Variants in IQUB observed in about 807,000 individuals in gnomAD.
The protein encoded by IQUB is IQ motif and ubiquitin-like domain-containing protein.
IQUB carries 86 observed loss-of-function variants against 86.4 expected under a neutral mutation model. That is an observed-to-expected ratio of 1.00 (90% CI 0.84 to 1.19). The LOEUF is 1.19. IQUB is among the 50% of genes most tolerant of loss of function. The pLI is 0.00. For missense variants in IQUB, 946 were observed against 916.9 expected, an observed-to-expected ratio of 1.03 and a Z score of -0.41; for synonymous variants, 289 against 304.5, an observed-to-expected ratio of 0.95 and a Z score of 0.53.
chr7:123,457,445 C>T lies in IQUB; in HGVS notation c.2129G>A (p.Trp710Ter), dbSNP rs1273916170. The change falls in exon 12 of 13, where the codon TGG becomes TAG. Residue 710 changes from tryptophan to a stop codon, truncating the protein, a stop_gained. Transcript: ENST00000324698. LOFTEE classifies it high-confidence loss of function. ...RWNKSLEWSP[W>*]NCILLTKDEA... ...ATCTTTGGTAAGAAGAATGCAGTTC[C>T]AGGGGGACCACTCCAGGGATTTATT... is the stretch of plus-strand genomic sequence containing the variant. The T allele has an allele frequency of 4.3e-6, 7 of 1,612,380 alleles. No individual in the cohort carries two copies. The highest frequency in any genetic ancestry group is 5.9e-6 in the Non-Finnish European group (7 of 1,179,152).
intron 8 of IQUB, among the ~76,000 whole-genome samples, chr7:123,476,618 G>C (rs1327516359): frequency 1.3e-5 from 2 of 151,840 alleles, no homozygotes; most frequent in African/African-American, 4.8e-5. Context: ...CGTGAAACTG[G>C]AGGCAGCAGC....
intron 10 of IQUB, among the ~76,000 whole-genome samples, 191 bp from the exon 11 acceptor site, chr7:123,461,796 C>T (rs1794002361): frequency 6.6e-6 from 1 of 151,560 alleles, no homozygotes; most frequent in South Asian, 2.1e-4. Context: ...AAATTTCAAG[C>T]AGTATTTATT....
At chr7:123,495,219 G>A (rs930512971) in intron 7 of IQUB, among the ~76,000 whole-genome samples, 1 of 152,014 alleles carries the variant, frequency 6.6e-6, no homozygotes. Flanking sequence ...AGGCTTAACA[G>A]TTACCTCAAA....
chr7:123,463,893 G>C (rs1794122913), intron 10 of IQUB, among the ~76,000 whole-genome samples: 1 of 151,710 alleles, frequency 6.6e-6, no homozygotes, highest in Admixed American at 6.6e-5. Context: ...TCAGACAAAT[G>C]AAACACTGGT....
intron 7 of IQUB, among the ~76,000 whole-genome samples, chr7:123,492,107 A>T (rs1346944202): frequency 6.6e-6 from 1 of 152,168 alleles, no homozygotes; most frequent in African/African-American, 2.4e-5. Context: ...TGAACCAGGA[A>T]ACAAACCATC....
chr7:123,497,837 GAAGA>G (rs1294618174), intron 6 of IQUB, among the ~76,000 whole-genome samples: 3 of 151,354 alleles, frequency 2.0e-5, no homozygotes, highest in Admixed American at 6.6e-5. Flanking sequence ...AGAATTAATT[GAAGA>G]AAGAGTCTGT....
At position 123,452,879 on chromosome 7, in the gene IQUB, A is replaced by G; in HGVS notation, c.2240T>C (p.Leu747Pro). ...FIHKIKHKHI[L>P]AKNYFSQVPV... is the part of the protein sequence containing the mutation. ...AACCTGAGAAAAATAGTTCTTAGCC[A>G]GGATATGTTTGTGTTTGATCTTGTG... Residue 747 changes from leucine (L) to proline (P), a missense_variant, in exon 13 of 13, where the codon CTG (leucine) becomes CCG (proline). Physicochemically the swap from Leu to Pro is moderately conservative, Grantham distance 98. Coordinates refer to ENST00000324698, the MANE Select transcript of IQUB (RefSeq NM_178827.5). The G allele has an allele frequency of 6.2e-7, 1 of 1,613,502 alleles. No homozygotes were observed. The highest frequency in any genetic ancestry group is 8.5e-7 in the Non-Finnish European group (1 of 1,179,610).
At chr7:123,483,408 T>G (rs1232760798) in intron 7 of IQUB, among the ~76,000 whole-genome samples, 1 of 152,108 alleles carries the variant, frequency 6.6e-6, no homozygotes, top group African/African-American at 2.4e-5. Context: ...CTTTACAGTC[T>G]CATGAACTAC....
At chr7:123,500,060 T>C (rs745396060) in intron 6 of IQUB, among the ~76,000 whole-genome samples, 5 of 152,192 alleles carry the variant, frequency 3.3e-5, no homozygotes, top group Non-Finnish European at 5.9e-5. Context: ...TTACCCTATA[T>C]GGTCTAAAAA....
At chr7:123,484,300 A>G (rs1795125812) in intron 7 of IQUB, among the ~76,000 whole-genome samples, 1 of 152,096 alleles carries the variant, frequency 6.6e-6, no homozygotes, top group African/African-American at 2.4e-5. Flanking sequence ...TGAGTTTGTT[A>G]TTTAAGAGCT....
chr7:123,507,487 C>G (rs1796234146), intron 3 of IQUB, among the ~76,000 whole-genome samples: 1 of 152,140 alleles, frequency 6.6e-6, no homozygotes. Context: ...AACCCAATCA[C>G]AAATTGAGGA....
Position 123,503,097 on chromosome 7 carries a change from C to T in IQUB, c.714G>A (p.Gln238=), listed in dbSNP as rs1485209878. Reference sequence around the variant, plus strand: ...CAGATTTGACAATCTCAACAGGTACCTGCTGGTATTGATCAAGTCCTGAGA... The same window carrying T: ...CAGATTTGACAATCTCAACAGGTACTTGCTGGTATTGATCAAGTCCTGAGA... The part of the protein sequence containing the change: ...TVQTGLDQYQ[Q]VPVEIVKSDF... The change falls in exon 5 of 13, where the codon CAG becomes CAA. Residue 238 remains glutamine (Q), a synonymous_variant. Coordinates refer to ENST00000324698, the MANE Select transcript of IQUB (RefSeq NM_178827.5). 1 of 1,612,830 alleles carries T rather than the reference C, an allele frequency of 6.2e-7. No homozygotes were observed. The highest frequency in any genetic ancestry group is 8.5e-7 in the Non-Finnish European group (1 of 1,179,524).
chr7:123,480,030 T>A (rs982208091), intron 7 of IQUB, 60 bp from the exon 8 acceptor site: 2 of 1,247,566 alleles, frequency 1.6e-6, no homozygotes, highest in Non-Finnish European at 2.3e-6. Flanking sequence ...AATGATCACA[T>A]CCTGATGAGG....
intron 7 of IQUB, among the ~76,000 whole-genome samples, chr7:123,493,308 C>CA (rs932941095): frequency 3.4e-4 from 52 of 151,862 alleles, no homozygotes; most frequent in Non-Finnish European, 5.7e-4. Flanking sequence ...TGGCTCTCTC[C>CA]AAAAAAAACC....
chr7:123,457,134 A>G (rs1351522505), intron 12 of IQUB: 9 of 967,376 alleles, frequency 9.3e-6, no homozygotes, highest in Non-Finnish European at 9.8e-6. Context: ...GAATGTGCTT[A>G]AACTTACTAT....
At position 123,502,607 on chromosome 7, in the gene IQUB, C is replaced by T. The variant is rs1375232962; in HGVS notation, c.1013G>A (p.Arg338Lys). 3 of 1,610,726 alleles carry T rather than the reference C, an allele frequency of 1.9e-6. No individual in the cohort carries two copies. Among genetic ancestry groups the T allele is most frequent in the South Asian group, 2.2e-5 (2 of 89,864 alleles). Residue 338 changes from arginine (R) to lysine (K), a missense_variant, in exon 6 of 13, where the codon AGA (arginine) becomes AAA (lysine). Arg to Lys is a conservative substitution (Grantham distance 26, BLOSUM62 2). Coordinates refer to ENST00000324698, the MANE Select transcript of IQUB (RefSeq NM_178827.5). ...TAAAAGTTATCTCACCGCCTTTAGT[C>T]TTTGAGCATGGTATTCTGCTGCTGA... ...YFSAAEYHAQ[R>K]LKAVIVIQTY...
chr7:123,509,916 G>C lies in IQUB; in HGVS notation c.517C>G (p.Gln173Glu). ...CCAAACTTACCTGAGTATCTTATCT[G>C]CAGTACAGAATGTGGGATACCTAAT... Reference protein sequence around the residue: ...HLLGIPHSVLQIRYSGKILKN... With the variant: ...HLLGIPHSVLEIRYSGKILKN... Residue 173 changes from glutamine (Q) to glutamate (E), a missense_variant, in exon 3 of 13, where the codon CAG (glutamine) becomes GAG (glutamate). By Grantham distance (29) the Gln-to-Glu change is conservative (BLOSUM62 2). Transcript: ENST00000324698. 1 of 1,606,168 alleles carries C rather than the reference G, an allele frequency of 6.2e-7. No individual in the cohort carries two copies.
chr7:123,502,389 G>C, intron 6 of IQUB: 2 of 532,712 alleles, frequency 3.8e-6, no homozygotes, highest in South Asian at 5.0e-5. Flanking sequence ...TTCCCTAAGA[G>C]AAAAGGAAGG....
intron 7 of IQUB, among the ~76,000 whole-genome samples, chr7:123,487,158 T>G (rs1218047436): frequency 3.3e-5 from 5 of 152,164 alleles, no homozygotes; most frequent in Admixed American, 6.5e-5. Flanking sequence ...TTCCACCATA[T>G]GAAGATGGTG....
Sources: gnomAD v4.1 joint callset for allele counts (sites outside exome capture counted in the v4.1 genomes callset) on GRCh38, gnomAD v4.1.1 for gene constraint, MANE v1.5 for transcripts, NCBI Gene and HGNC (gene_info 2026-07-23, HGNC 2026-07-21) for gene names.